The following TCIM variants were observed in gnomAD, a reference collection of about 807,000 sequenced individuals.
The protein encoded by TCIM is human thyroid cancer 1.
Under a neutral mutation model 7.0 loss-of-function variants are expected in TCIM, and 5 were observed. The ratio of observed to expected loss-of-function variants is 0.71; its 90% CI spans 0.37 to 1.50. The LOEUF (loss-of-function observed/expected upper bound fraction) is 1.50, where lower values mean the gene tolerates loss of function less well. TCIM is among the 40% of genes most tolerant of loss of function. TCIM has a pLI of 0.03. For missense variants in TCIM, 137 were observed against 129.7 expected (o/e 1.06, Z -0.27); for synonymous variants, 66 against 50.3 (o/e 1.31, Z -1.32).
At position 40,153,600 on chromosome 8, in the gene TCIM, A is replaced by C; in HGVS notation, c.68A>C (p.His23Pro). 6.2e-7 allele frequency: 1 copy of C among 1,614,128 alleles called. No homozygotes were observed. Among genetic ancestry groups the C allele is most frequent in the Non-Finnish European group, 8.5e-7 (1 of 1,180,014 alleles). Residue 23 changes from histidine (H) to proline (P), a missense_variant, in exon 1 of 1, where the codon CAT (histidine) becomes CCT (proline). Physicochemically the swap from His to Pro is moderately conservative, Grantham distance 77. Transcript: ENST00000315792. ...STSLRVSPSI[H>P]GYHFDTASRK... is the part of the protein sequence containing the mutation. ...TCGCTACGAGTCAGCCCATCCATCCATGGCTACCACTTCGACACAGCCTCT... is the reference window on the plus strand; with the variant it reads ...TCGCTACGAGTCAGCCCATCCATCCCTGGCTACCACTTCGACACAGCCTCT...
rs1346108584 is a variant in TCIM at position 40,154,100 on chromosome 8, T to G, written c.*247T>G. 1.9e-6 allele frequency: 1 copy of G among 526,568 alleles called. No individual in the cohort carries two copies. The highest frequency in any genetic ancestry group is 1.9e-5 in the African/African-American group (1 of 52,656). The allele number at this position is 526,568 out of a possible 1,614,324, so 32.6% of individuals were successfully genotyped here. On this transcript the variant is annotated 3_prime_UTR_variant, in exon 1 of 1. Transcript: ENST00000315792. ...AGAACAAAATGCTTTCAGCAAGGATTTGAAAACTCTTCCGTCCCTGCAGGA... is the reference window on the plus strand; with the variant it reads ...AGAACAAAATGCTTTCAGCAAGGATGTGAAAACTCTTCCGTCCCTGCAGGA...
rs752952465 is a variant in TCIM, at chr8:40,155,171, G to A, written c.*1318G>A. Reference sequence around the variant, plus strand: ...TACATCTATTTTTCCCAAGCAATATGTTTTGGGTTTAGAGTCTGAGTGATG... The same window carrying A: ...TACATCTATTTTTCCCAAGCAATATATTTTGGGTTTAGAGTCTGAGTGATG... On this transcript the variant is annotated 3_prime_UTR_variant, in exon 1 of 1. Coordinates refer to ENST00000315792, the MANE Select transcript of TCIM (RefSeq NM_020130.5). 6.0e-6 allele frequency: 1 copy of A among 166,966 alleles called. No homozygotes were observed. The highest frequency in any genetic ancestry group is 1.5e-5 in the Non-Finnish European group (1 of 68,086). The allele number at this position is 166,966 out of a possible 1,614,324, so 10.3% of individuals were successfully genotyped here.
In TCIM at chr8:40,154,342, T is replaced by G. The variant is rs1804762688; in HGVS notation, c.*489T>G. 2.4e-6 allele frequency: 1 copy of G among 412,516 alleles called. No homozygotes were observed. The highest frequency in any genetic ancestry group is 3.6e-5 in the East Asian group (1 of 28,054). 25.6% of individuals were successfully genotyped at this position (412,516 alleles called of 1,614,324 possible). On this transcript the variant is annotated 3_prime_UTR_variant, in exon 1 of 1. Coordinates refer to ENST00000315792, the MANE Select transcript of TCIM (RefSeq NM_020130.5). ...TACCATGCATAAATTGTTTACTGAA[T>G]TTTTATATCTGAGTGTTCAAAATAT...
At position 40,154,028 on chromosome 8, in the gene TCIM, G is replaced by A; in HGVS notation, c.*175G>A. The stretch of plus-strand genomic sequence containing the variant: ...GAAAGGGACCAGGACTGAACAGACT[G>A]GTTACAAAGACTCCAAACAATTTCA... On this transcript the variant is annotated 3_prime_UTR_variant, in exon 1 of 1. Coordinates refer to ENST00000315792, the MANE Select transcript of TCIM (RefSeq NM_020130.5). 1.6e-6 allele frequency: 1 copy of A among 618,882 alleles called. No individual in the cohort carries two copies. Among genetic ancestry groups the A allele is most frequent in the Non-Finnish European group, 2.9e-6 (1 of 346,450 alleles). 38.3% of individuals were successfully genotyped at this position (618,882 alleles called of 1,614,324 possible).
In TCIM at chr8:40,153,499, C is replaced by G; in HGVS notation, c.-34C>G. ...ATTTCACTACAGACTCTCTGGAAAG[C>G]CTGGGAGCTGAATTCCGGAAGATCC... On this transcript the variant is annotated 5_prime_UTR_variant, in exon 1 of 1. Coordinates refer to ENST00000315792, the MANE Select transcript of TCIM (RefSeq NM_020130.5). 2 of 1,562,822 alleles carry G rather than the reference C, an allele frequency of 1.3e-6. No homozygotes were observed. Among genetic ancestry groups the G allele is most frequent in the Non-Finnish European group, 8.7e-7 (1 of 1,147,942 alleles).
In TCIM at chr8:40,153,809, T is replaced by C. The variant is rs1300087479; in HGVS notation, c.277T>C (p.Phe93Leu). 1.8e-5 allele frequency: 29 copies of C among 1,613,632 alleles called. No homozygotes were observed. The highest frequency in any genetic ancestry group is 5.3e-5 in the African/African-American group (4 of 74,844). ...GAAGAAGAGGACAAAAGACAAGCTT[T>C]TCCAGTTTCTGAAACTGCGGAAATA... ...ALKKRTKDKL[F>L]QFLKLRKYSI... is the part of the protein sequence containing the mutation. The change falls in exon 1 of 1, where the codon TTC becomes CTC. Residue 93 changes from phenylalanine to leucine, a missense_variant. By Grantham distance (22) the Phe-to-Leu change is conservative. Transcript: ENST00000315792.
Position 40,154,105 on chromosome 8 carries a change from A to C in TCIM, c.*252A>C, listed in dbSNP as rs915544498. ...AAAATGCTTTCAGCAAGGATTTGAAAACTCTTCCGTCCCTGCAGGAAAGGA... is the reference window on the plus strand; with the variant it reads ...AAAATGCTTTCAGCAAGGATTTGAACACTCTTCCGTCCCTGCAGGAAAGGA... On this transcript the variant is annotated 3_prime_UTR_variant, in exon 1 of 1. Coordinates refer to ENST00000315792, the MANE Select transcript of TCIM (RefSeq NM_020130.5). 1.1e-5 allele frequency: 6 copies of C among 525,968 alleles called. No individual in the cohort carries two copies. In the Admixed American group the frequency reaches 1.8e-4, roughly 16 times the overall value. 32.6% of individuals were successfully genotyped at this position (525,968 alleles called of 1,614,324 possible). A position where few individuals can be genotyped will look rare whatever the true frequency, so the allele number is the denominator to read the frequency against.
In TCIM at chr8:40,154,833, T is replaced by A. The variant is rs183068197; in HGVS notation, c.*980T>A. 13 of 167,160 alleles carry A rather than the reference T, an allele frequency of 7.8e-5. No individual in the cohort carries two copies. The highest frequency in any genetic ancestry group is 3.1e-4 in the African/African-American group (13 of 41,576). 10.4% of individuals were successfully genotyped at this position (167,160 alleles called of 1,614,324 possible). On this transcript the variant is annotated 3_prime_UTR_variant, in exon 1 of 1. Coordinates refer to ENST00000315792, the MANE Select transcript of TCIM (RefSeq NM_020130.5). Reference sequence around the variant, plus strand: ...TTTGTGGCTTTTGGTCTGTGATGCTTGGTCTCAAAGGAAAAAATAAGATGG... The same window carrying A: ...TTTGTGGCTTTTGGTCTGTGATGCTAGGTCTCAAAGGAAAAAATAAGATGG...
Position 40,153,884 on chromosome 8 carries a change from A to G in TCIM, c.*31A>G. ...AGAGGATGGATAAGGACGTTATCCA[A>G]GAATGGACATTCAAAGACCAAGTGA... On this transcript the variant is annotated 3_prime_UTR_variant, in exon 1 of 1. Coordinates refer to ENST00000315792, the MANE Select transcript of TCIM (RefSeq NM_020130.5). The G allele has an allele frequency of 4.5e-6, 7 of 1,544,642 alleles. No individual in the cohort carries two copies. Among genetic ancestry groups the G allele is most frequent in the Non-Finnish European group, 6.2e-6 (7 of 1,133,514 alleles).
Position 40,153,968 on chromosome 8 carries a change from T to G in TCIM, c.*115T>G, listed in dbSNP as rs1230720155. On this transcript the variant is annotated 3_prime_UTR_variant, in exon 1 of 1. Transcript: ENST00000315792. ...TGCTACCTTACAAGCTTCTCTTCTG[T>G]CAGGACTCCAGAGGCTGGAAAGGGA... The G allele has an allele frequency of 2.1e-6, 2 of 962,656 alleles. No individual in the cohort carries two copies. Among genetic ancestry groups the G allele is most frequent in the Middle Eastern group, 2.2e-4 (1 of 4,596 alleles). The allele number at this position is 962,656 out of a possible 1,614,324, so 59.6% of individuals were successfully genotyped here. A position where few individuals can be genotyped will look rare whatever the true frequency, so the allele number is the denominator to read the frequency against.
At position 40,154,248 on chromosome 8, in the gene TCIM, C is replaced by CT. The variant is rs10712630; in HGVS notation, c.*411dup. On this transcript the variant is annotated 3_prime_UTR_variant, in exon 1 of 1. Transcript: ENST00000315792. ...CCCTAGGACTTAAATCGAAGTTGAA[C>CT]TTTTTTTTTTTTTTTTAACCAAATA... The CT allele has an allele frequency of 0.064, 24,786 of 389,126 alleles. 610 individuals are homozygous for CT. The highest frequency in any genetic ancestry group is 0.13 in the African/African-American group (6,124 of 46,024). The allele number at this position is 389,126 out of a possible 1,614,324, so 24.1% of individuals were successfully genotyped here.
rs182358217 is a variant in TCIM at position 40,153,484 on chromosome 8, A to T, written c.-49A>T. 2.4e-4 allele frequency: 356 copies of T among 1,492,294 alleles called. No homozygotes were observed. In the East Asian group the frequency reaches 7.1e-3, roughly 30 times the overall value. The allele number at this position is 1,492,294 out of a possible 1,614,324, so 92.4% of individuals were successfully genotyped here. ...AGCAGTCCCAGAATGATTTCACTAC[A>T]GACTCTCTGGAAAGCCTGGGAGCTG... On this transcript the variant is annotated 5_prime_UTR_variant, in exon 1 of 1. Coordinates refer to ENST00000315792, the MANE Select transcript of TCIM (RefSeq NM_020130.5).
In TCIM at chr8:40,155,145, G is replaced by A. The variant is rs1184798689; in HGVS notation, c.*1292G>A. Reference sequence around the variant, plus strand: ...ATGATTACAGTAGCTATGTACATGTGTACATCTATTTTTCCCAAGCAATAT... The same window carrying A: ...ATGATTACAGTAGCTATGTACATGTATACATCTATTTTTCCCAAGCAATAT... On this transcript the variant is annotated 3_prime_UTR_variant, in exon 1 of 1. Transcript: ENST00000315792. 6.0e-6 allele frequency: 1 copy of A among 166,956 alleles called. No individual in the cohort carries two copies. The highest frequency in any genetic ancestry group is 1.9e-4 in the East Asian group (1 of 5,182). The allele number at this position is 166,956 out of a possible 1,614,324, so 10.3% of individuals were successfully genotyped here. A position where few individuals can be genotyped will look rare whatever the true frequency, so the allele number is the denominator to read the frequency against.
In TCIM at chr8:40,153,614, G is replaced by A. The variant is rs770062071; in HGVS notation, c.82G>A (p.Asp28Asn). 10 of 1,613,934 alleles carry A rather than the reference G, an allele frequency of 6.2e-6. No homozygotes were observed. Among genetic ancestry groups the A allele is most frequent in the Non-Finnish European group, 8.5e-6 (10 of 1,180,014 alleles). Residue 28 changes from aspartate (D) to asparagine (N), a missense_variant, in exon 1 of 1, where the codon GAC becomes AAC. Physicochemically the swap from Asp to Asn is conservative, Grantham distance 23. Transcript: ENST00000315792. ...CCCATCCATCCATGGCTACCACTTC[G>A]ACACAGCCTCTCGTAAGAAAGCCGT... ...VSPSIHGYHFDTASRKKAVGN... is the reference protein window; with the variant it reads ...VSPSIHGYHFNTASRKKAVGN...
chr8:40,155,258 C>T lies in TCIM; in HGVS notation c.*1405C>T, dbSNP rs546192578. On this transcript the variant is annotated 3_prime_UTR_variant, in exon 1 of 1. Transcript: ENST00000315792. ...GGAACAAATATAGAAATAATATTAT[C>T]TCTTTGCTTATTTCCCGTTAAAACT... is the stretch of plus-strand genomic sequence containing the variant. 5 of 167,034 alleles carry T rather than the reference C, an allele frequency of 3.0e-5. No individual in the cohort carries two copies. The highest frequency in any genetic ancestry group is 1.2e-4 in the African/African-American group (5 of 41,540). 10.3% of individuals were successfully genotyped at this position (167,034 alleles called of 1,614,324 possible). A position where few individuals can be genotyped will look rare whatever the true frequency, so the allele number is the denominator to read the frequency against.
Position 40,154,692 on chromosome 8 carries a change from C to T in TCIM, c.*839C>T, listed in dbSNP as rs1202816014. The T allele has an allele frequency of 6.0e-6, 1 of 167,062 alleles. No individual in the cohort carries two copies. The highest frequency in any genetic ancestry group is 2.4e-5 in the African/African-American group (1 of 41,420). The allele number at this position is 167,062 out of a possible 1,614,324, so 10.3% of individuals were successfully genotyped here. On this transcript the variant is annotated 3_prime_UTR_variant, in exon 1 of 1. Coordinates refer to ENST00000315792, the MANE Select transcript of TCIM (RefSeq NM_020130.5). ...AATCTAATTAAATTTCATACAGTTA[C>T]TGCAGTAAGCATTAGGAAGTGAATA...
chr8:40,154,202 A>T lies in TCIM; in HGVS notation c.*349A>T, dbSNP rs183422301. On this transcript the variant is annotated 3_prime_UTR_variant, in exon 1 of 1. Coordinates refer to ENST00000315792, the MANE Select transcript of TCIM (RefSeq NM_020130.5). ...AAACAGATGGCTGGAGATGACATTT[A>T]TCCAGGGTCACTTTGTCAGGCCCTA... 3.5e-4 allele frequency: 146 copies of T among 416,994 alleles called. 1 individual carries two copies. Among genetic ancestry groups the T allele is most frequent in the African/African-American group, 1.8e-3 (88 of 48,730 alleles). The allele number at this position is 416,994 out of a possible 1,614,324, so 25.8% of individuals were successfully genotyped here. A position where few individuals can be genotyped will look rare whatever the true frequency, so the allele number is the denominator to read the frequency against.
Position 40,153,964 on chromosome 8 carries a change from T to C in TCIM, c.*111T>C. The stretch of plus-strand genomic sequence containing the variant: ...TTGCTGCTACCTTACAAGCTTCTCT[T>C]CTGTCAGGACTCCAGAGGCTGGAAA... On this transcript the variant is annotated 3_prime_UTR_variant, in exon 1 of 1. Coordinates refer to ENST00000315792, the MANE Select transcript of TCIM (RefSeq NM_020130.5). 1 of 1,005,084 alleles carries C rather than the reference T, an allele frequency of 9.9e-7. No individual in the cohort carries two copies. Among genetic ancestry groups the C allele is most frequent in the Non-Finnish European group, 1.5e-6 (1 of 679,208 alleles). The allele number at this position is 1,005,084 out of a possible 1,614,324, so 62.3% of individuals were successfully genotyped here.
rs750429059 is a variant in TCIM at position 40,153,489 on chromosome 8, C to G, written c.-44C>G. 1 of 1,519,010 alleles carries G rather than the reference C, an allele frequency of 6.6e-7. No homozygotes were observed. The highest frequency in any genetic ancestry group is 1.4e-5 in the African/African-American group (1 of 72,024). 94.1% of individuals were successfully genotyped at this position (1,519,010 alleles called of 1,614,324 possible). A position where few individuals can be genotyped will look rare whatever the true frequency, so the allele number is the denominator to read the frequency against. On this transcript the variant is annotated 5_prime_UTR_variant, in exon 1 of 1. Transcript: ENST00000315792. ...TCCCAGAATGATTTCACTACAGACT[C>G]TCTGGAAAGCCTGGGAGCTGAATTC...
Sources: allele counts gnomAD v4.1 joint callset, GRCh38; gene constraint gnomAD v4.1.1; transcripts MANE v1.5; gene names NCBI Gene and HGNC (gene_info 2026-07-23, HGNC 2026-07-21).